The following B3GALT1 variants were observed in gnomAD, a reference collection of about 807,000 sequenced individuals.
B3GALT1 encodes the protein UDP-Gal:betaGlcNAc beta 1,3-galactosyltransferase, polypeptide 1.
B3GALT1 carries 10 observed loss-of-function variants against 23.2 expected under a neutral mutation model. The ratio of observed to expected loss-of-function variants is 0.43; its 90% confidence interval spans 0.27 to 0.73. B3GALT1 has a LOEUF of 0.73. B3GALT1 is among the 30% of genes least tolerant of loss of function. B3GALT1 has a pLI of 0.21. For missense variants in B3GALT1, 299 were observed against 405.4 expected, an observed-to-expected ratio of 0.74 and a Z score of 2.25; for synonymous variants, 156 against 141.5, an observed-to-expected ratio of 1.10 and a Z score of -0.73.
intron 1 of B3GALT1, among the ~76,000 whole-genome samples, chr2:167,466,361 T>C (rs577300979): frequency 6.6e-6 from 1 of 152,096 alleles, no homozygotes; most frequent in Non-Finnish European, 1.5e-5. Context: ...CTCACACCTG[T>C]AATCCTAGCA....
At chr2:167,835,634 C>G (rs1424143506) in intron 4 of B3GALT1, among the ~76,000 whole-genome samples, 1 of 152,226 alleles carries the variant, frequency 6.6e-6, no homozygotes, top group Non-Finnish European at 1.5e-5. Context: ...ACAGCAGTAA[C>G]CTCTGCAGAC....
chr2:167,860,338 T>C (rs1397865475), intron 4 of B3GALT1, among the ~76,000 whole-genome samples: 1 of 152,170 alleles, frequency 6.6e-6, no homozygotes, highest in Non-Finnish European at 1.5e-5. Flanking sequence ...TTCAAGACCA[T>C]TTCATAGCAC....
At chr2:167,621,782 T>C (rs1015683978) in intron 2 of B3GALT1, among the ~76,000 whole-genome samples, 1 of 152,038 alleles carries the variant, frequency 6.6e-6, no homozygotes, top group Non-Finnish European at 1.5e-5. Context: ...CTTCTCCCTT[T>C]GCTTGGCACT....
chr2:167,478,234 C>A (rs1699513745), intron 1 of B3GALT1, among the ~76,000 whole-genome samples: 1 of 152,206 alleles, frequency 6.6e-6, no homozygotes, highest in Non-Finnish European at 1.5e-5. Context: ...CCTTCATTCA[C>A]TGATCTTGTG....
At chr2:167,657,694 T>C (rs1685978753) in intron 3 of B3GALT1, among the ~76,000 whole-genome samples, 1 of 152,146 alleles carries the variant, frequency 6.6e-6, no homozygotes, top group Non-Finnish European at 1.5e-5. Context: ...TCAGTACCTA[T>C]CAATAGTGAT....
chr2:167,690,200 A>ATGATT (rs991169307), intron 3 of B3GALT1, among the ~76,000 whole-genome samples: 114 of 152,218 alleles, frequency 7.5e-4, no homozygotes, highest in African/African-American at 2.6e-3. Context: ...TTGAAAATTT[A>ATGATT]TGATTTAAAA....
At position 167,306,701 on chromosome 2, in the gene B3GALT1, C is replaced by A. The variant is rs553654362; in HGVS notation, c.-511+13367C>A. ...TTGTCTTCTATGTAACAAAGTGCAT[C>A]TTAATCACGGAACTTCCTTTCAGTC... On this transcript the variant is annotated intron_variant, in intron 1 of 4. Coordinates refer to ENST00000392690, the MANE Select transcript of B3GALT1 (RefSeq NM_020981.4). Among the ~76,000 whole-genome samples, 4 of 152,110 alleles carry A rather than the reference C, an allele frequency of 2.6e-5. No homozygotes were observed. The East Asian group carries it at 5.8e-4, about 22-fold the overall frequency.
chr2:167,458,398 G>A (rs1461405310), intron 1 of B3GALT1, among the ~76,000 whole-genome samples: 3 of 152,174 alleles, frequency 2.0e-5, no homozygotes, highest in African/African-American at 4.8e-5. Context: ...TAGCTATTGT[G>A]AATAATGCTG....
At chr2:167,831,428 A>T (rs574977521) in intron 4 of B3GALT1, among the ~76,000 whole-genome samples, 1 of 152,228 alleles carries the variant, frequency 6.6e-6, no homozygotes, top group Non-Finnish European at 1.5e-5. Flanking sequence ...CTCAAAATTC[A>T]TATCTTTGGG....
At chr2:167,510,951 A>G (rs1431907) in intron 2 of B3GALT1, among the ~76,000 whole-genome samples, 196 of 152,302 alleles carry the variant, frequency 1.3e-3, no homozygotes, top group Admixed American at 0.012. Context: ...AGACTAGATA[A>G]AAAATGTAAA....
At chr2:167,652,203 A>G (rs1433561001) in intron 3 of B3GALT1, among the ~76,000 whole-genome samples, 1 of 152,198 alleles carries the variant, frequency 6.6e-6, no homozygotes, top group Non-Finnish European at 1.5e-5. Context: ...AGAACACAGA[A>G]AGGAGAAAGC....
chr2:167,628,538 AC>A (rs1220680995), intron 2 of B3GALT1, among the ~76,000 whole-genome samples: 2 of 151,744 alleles, frequency 1.3e-5, no homozygotes, highest in Non-Finnish European at 3.0e-5. Flanking sequence ...ATCCTCAGCC[AC>A]CAGTAGGATT....
chr2:167,456,015 G>A (rs116540722), intron 1 of B3GALT1, among the ~76,000 whole-genome samples: 3,107 of 152,292 alleles, frequency 0.02, 60 homozygotes, highest in Non-Finnish European at 0.028. Flanking sequence ...GGATATAAGA[G>A]AAATGAATAT....
At chr2:167,775,631 A>G (rs1245292703) in intron 3 of B3GALT1, among the ~76,000 whole-genome samples, 1 of 151,894 alleles carries the variant, frequency 6.6e-6, no homozygotes, top group East Asian at 1.9e-4. Context: ...ATAACATTTT[A>G]TAAAAATATA....
At chr2:167,715,308 C>T (rs1242315408) in intron 3 of B3GALT1, 23 of 1,613,772 alleles carry the variant, frequency 1.4e-5, no homozygotes, top group Non-Finnish European at 1.8e-5. Context: ...ACTTGTTCTG[C>T]TTATACTTTG....
At chr2:167,566,532 A>G (rs1684172969) in intron 2 of B3GALT1, among the ~76,000 whole-genome samples, 1 of 147,924 alleles carries the variant, frequency 6.8e-6, no homozygotes, top group South Asian at 2.2e-4. Context: ...AAAAAGAAAA[A>G]TTAGCTCAAA....
At chr2:167,818,078 A>C (rs1689032423) in intron 3 of B3GALT1, among the ~76,000 whole-genome samples, 1 of 152,198 alleles carries the variant, frequency 6.6e-6, no homozygotes, top group Non-Finnish European at 1.5e-5. Context: ...GATGTTGCAG[A>C]AGACCTTAGG....
chr2:167,478,507 A>T (rs996353739), intron 1 of B3GALT1, among the ~76,000 whole-genome samples: 1 of 152,124 alleles, frequency 6.6e-6, no homozygotes, highest in Non-Finnish European at 1.5e-5. Flanking sequence ...CAAGGCTTAT[A>T]AAAAAACAAA....
At chr2:167,545,436 G>C (rs1683619731) in intron 2 of B3GALT1, among the ~76,000 whole-genome samples, 1 of 152,060 alleles carries the variant, frequency 6.6e-6, no homozygotes, top group Non-Finnish European at 1.5e-5. Context: ...GGGTTGGTGG[G>C]CCTCACTGGT....
Sources: gnomAD v4.1 joint callset for allele counts (sites outside exome capture counted in the v4.1 genomes callset) on GRCh38, gnomAD v4.1.1 for gene constraint, MANE v1.5 for transcripts, NCBI Gene and HGNC (gene_info 2026-07-23, HGNC 2026-07-21) for gene names.